The following CSMD2 variants were observed in gnomAD, a reference collection of about 807,000 sequenced individuals.
CSMD2 encodes CUB and Sushi multiple domains 2, also known as CUB and sushi domain-containing protein 2.
CSMD2 carries 130 observed loss-of-function variants against 398.5 expected under a neutral mutation model. That is an observed-to-expected ratio of 0.33 (90% CI 0.28 to 0.38). The LOEUF (loss-of-function observed/expected upper bound fraction) is 0.38. Ranked by LOEUF, CSMD2 falls within the 10% of genes least tolerant of loss-of-function variation. The pLI is 1.00. For missense variants in CSMD2, 3,829 were observed against 4,764.9 expected (o/e 0.80, Z 5.78); for synonymous variants, 1,828 against 1,908.5 (o/e 0.96, Z 1.10).
chr1:33,545,111 A>T (rs1435526693), intron 57 of CSMD2, among the ~76,000 whole-genome samples: 1 of 152,110 alleles, frequency 6.6e-6, no homozygotes, highest in Non-Finnish European at 1.5e-5. Flanking sequence ...TTCCACTTGT[A>T]TCTTGCTAAA....
chr1:34,011,921 C>T (rs766325074), intron 3 of CSMD2, among the ~76,000 whole-genome samples: 17 of 152,192 alleles, frequency 1.1e-4, no homozygotes, highest in South Asian at 8.3e-4. Context: ...TTCTGAGTGA[C>T]GAGATGAGTT....
At chr1:33,820,397 C>T in intron 8 of CSMD2, 72 bp downstream of exon 8, 1 of 981,762 alleles carries the variant, frequency 1.0e-6, no homozygotes, top group Non-Finnish European at 1.6e-6. Context: ...GCAGGAAGGC[C>T]AGCCCCTGTC....
At chr1:33,885,334 T>C (rs1030356870) in intron 5 of CSMD2, 1 of 152,180 alleles carries the variant, frequency 6.6e-6, no homozygotes, top group African/African-American at 2.4e-5. Context: ...CCTAAGTGCT[T>C]AGCCTGGCTT....
rs71676114 is a variant in CSMD2, at chr1:33,903,334, CT to C, written c.920+14759del. Among the ~76,000 whole-genome samples the C allele has an allele frequency of 4.3e-3, 627 of 144,374 alleles. 4 individuals are homozygous for C. Among genetic ancestry groups the C allele is most frequent in the Non-Finnish European group, 4.7e-3 (314 of 66,116 alleles). 94.7% of individuals were successfully genotyped at this position (144,374 alleles called of 152,430 possible). A position where few individuals can be genotyped will look rare whatever the true frequency, so the allele number is the denominator to read the frequency against. The stretch of plus-strand genomic sequence containing the variant: ...TCCAGTTCTGTTGTCGACTGCTGAG[CT>C]TTTTTTTTTTTTTAAAGACTGGCCA... On this transcript the variant is annotated intron_variant, in intron 5 of 70. Coordinates refer to ENST00000373381, the MANE Select transcript of CSMD2 (RefSeq NM_001281956.2).
chr1:33,753,411 A>T (rs1648536700), intron 13 of CSMD2, among the ~76,000 whole-genome samples: 1 of 152,202 alleles, frequency 6.6e-6, no homozygotes, highest in Non-Finnish European at 1.5e-5. Flanking sequence ...TGCTCTGGAG[A>T]GTGTAAGCTG....
intron 44 of CSMD2, among the ~76,000 whole-genome samples, chr1:33,598,335 C>A (rs1024563150): frequency 2.6e-5 from 4 of 152,210 alleles, no homozygotes; most frequent in Non-Finnish European, 2.9e-5. Flanking sequence ...TCCAGTGCCT[C>A]TCCCACTTGA....
rs769259843 is a variant in CSMD2, at chr1:33,663,053, G to A, written c.4092C>T (p.Asp1364=). The A allele has an allele frequency of 1.6e-5, 26 of 1,613,986 alleles. No homozygotes were observed. The highest frequency in any genetic ancestry group is 8.8e-5 in the South Asian group (8 of 91,082). The change falls in exon 26 of 71, where the codon GAC becomes GAT. Residue 1364 remains aspartate, a synonymous_variant. Coordinates refer to ENST00000373381, the MANE Select transcript of CSMD2 (RefSeq NM_001281956.2). ...CAGGCCCATCCCAGATGCGCAGCAC[G>A]TCGTGAACCTCCTCTGTGTCAAACA... ...FLVFDTEEVH[D]VLRIWDGPVE...
intron 3 of CSMD2, among the ~76,000 whole-genome samples, chr1:33,974,964 A>C (rs1284357304): frequency 6.6e-6 from 1 of 152,206 alleles, no homozygotes; most frequent in Non-Finnish European, 1.5e-5. Context: ...AGCCACCCTG[A>C]GTCAGCCATG....
At chr1:33,919,232 A>G (rs1051063501) in intron 4 of CSMD2, among the ~76,000 whole-genome samples, 18 of 152,192 alleles carry the variant, frequency 1.2e-4, no homozygotes, top group Non-Finnish European at 2.5e-4. Flanking sequence ...GGTTGCTGGT[A>G]TAAGCATCTG....
chr1:33,955,399 T>C lies in CSMD2; in HGVS notation c.518-19445A>G, dbSNP rs555550541. ...AGAGGATGCTTATTCCAGGAAATAA[T>C]TACCCGCGTGTCCCTTCAAGTTGGC... is the stretch of plus-strand genomic sequence containing the variant. On this transcript the variant is annotated intron_variant, in intron 3 of 70. Transcript: ENST00000373381. Among the ~76,000 whole-genome samples, 255 of 152,162 alleles carry C rather than the reference T, an allele frequency of 1.7e-3. 1 individual carries two copies. The highest frequency in any genetic ancestry group is 5.8e-3 in the African/African-American group (241 of 41,522).
rs1315000591 is a variant in CSMD2, at chr1:33,856,977, CT to C, written c.921-9982del. Among the ~76,000 whole-genome samples, 3 of 152,104 alleles carry C rather than the reference CT, an allele frequency of 2.0e-5. No homozygotes were observed. In the South Asian group the frequency reaches 6.3e-4, roughly 32 times the overall value. On this transcript the variant is annotated intron_variant, in intron 5 of 70. Coordinates refer to ENST00000373381, the MANE Select transcript of CSMD2 (RefSeq NM_001281956.2). Reference sequence around the variant, plus strand: ...TCTACAATTCTTGGCCCTGCCATATCTCTGTACAGCAAGGTAGACTCGTAGG... The same window carrying C: ...TCTACAATTCTTGGCCCTGCCATATCCTGTACAGCAAGGTAGACTCGTAGG...
chr1:33,569,235 C>G (rs1186570693), intron 52 of CSMD2, 139 bp downstream of exon 52: 1 of 866,910 alleles, frequency 1.2e-6, no homozygotes, highest in Non-Finnish European at 1.7e-6. Flanking sequence ...GCCTGATGGC[C>G]AATAGTTGGT....
chr1:33,561,541 G>C (rs1469440494), intron 53 of CSMD2, among the ~76,000 whole-genome samples: 1 of 152,206 alleles, frequency 6.6e-6, no homozygotes, highest in African/African-American at 2.4e-5. Flanking sequence ...CTATGGAGTG[G>C]AATATACAAA....
intron 14 of CSMD2, among the ~76,000 whole-genome samples, chr1:33,742,599 C>A (rs1647116847): frequency 7.6e-6 from 1 of 132,094 alleles, no homozygotes; most frequent in African/African-American, 2.7e-5. Flanking sequence ...CCAACCCCCT[C>A]TGTAACCACG....
chr1:33,955,363 G>A (rs1036504385), intron 3 of CSMD2, among the ~76,000 whole-genome samples: 1 of 152,154 alleles, frequency 6.6e-6, no homozygotes, highest in Non-Finnish European at 1.5e-5. Context: ...GGAGCATCCT[G>A]GGGCCTGTGC....
chr1:33,868,727 C>T (rs1274233868), intron 5 of CSMD2, among the ~76,000 whole-genome samples: 4 of 127,450 alleles, frequency 3.1e-5, no homozygotes, highest in Admixed American at 9.3e-5. Flanking sequence ...CAGAGTGAGA[C>T]TCCATCTTAA....
chr1:33,570,394 G>C (rs528629843), intron 51 of CSMD2, among the ~76,000 whole-genome samples: 1 of 148,256 alleles, frequency 6.7e-6, no homozygotes, highest in Non-Finnish European at 1.5e-5. Context: ...GGCTGGTCTC[G>C]AACTCCTGAC....
At chr1:33,664,960 A>G (rs184797053) in intron 25 of CSMD2, among the ~76,000 whole-genome samples, 3 of 152,302 alleles carry the variant, frequency 2.0e-5, no homozygotes, top group Admixed American at 2.0e-4. Flanking sequence ...CATCAGCATT[A>G]GATATTATAA....
Position 33,617,612 on chromosome 1 carries a change from C to T in CSMD2, c.5833G>A (p.Gly1945Ser), listed in dbSNP as rs574804613. The change falls in exon 38 of 71, where the codon GGC becomes AGC. Residue 1945 changes from glycine to serine, a missense_variant. Transcript: ENST00000373381. ...GCAGGTTCCGGACAACTGCTCAGGC[C>T]CACCGCTAGACAAGACAGAGACAGA... ...AGFHLEYKTV[G>S]LSSCPEPAVP... is the part of the protein sequence containing the mutation. The T allele has an allele frequency of 2.3e-4, 367 of 1,613,070 alleles. 3 individuals are homozygous for T. In the South Asian group the frequency reaches 3.8e-3, roughly 17 times the overall value.
Sources: gnomAD v4.1 joint callset for allele counts (sites outside exome capture counted in the v4.1 genomes callset) on GRCh38, gnomAD v4.1.1 for gene constraint, MANE v1.5 for transcripts, NCBI Gene and HGNC (gene_info 2026-07-23, HGNC 2026-07-21) for gene names.